Variants in HNRNPC observed in about 807,000 individuals in gnomAD.
HNRNPC encodes heterogeneous nuclear ribonucleoproteins C1/C2.
A neutral mutation model predicts 33.2 loss-of-function variants in HNRNPC; 3 were observed. The observed-to-expected ratio is 0.09, with a 90% confidence interval of 0.04 to 0.23. HNRNPC has a LOEUF of 0.23. Among genes scored for constraint, HNRNPC ranks in the 10% least tolerant of loss-of-function variants. The pLI, the probability that HNRNPC is intolerant of heterozygous loss-of-function variation, is 1.00. For synonymous variants in HNRNPC, 121 were observed against 126.7 expected (o/e 0.96, Z 0.30); for missense variants, 143 against 366.7 (o/e 0.39, Z 4.98).
intron 2 of HNRNPC, among the ~76,000 whole-genome samples, chr14:21,258,126 C>G (rs1425180924): frequency 2.0e-5 from 3 of 152,182 alleles, no homozygotes; most frequent in African/African-American, 2.4e-5. Flanking sequence ...GACACAGTGG[C>G]TCACGCCTGT....
At chr14:21,239,645 G>A (rs368790818) in intron 2 of HNRNPC, among the ~76,000 whole-genome samples, 5 of 152,088 alleles carry the variant, frequency 3.3e-5, no homozygotes, top group East Asian at 3.9e-4. Context: ...AGGCTGAGGC[G>A]AGCAAATCAC....
intron 3 of HNRNPC, 160 bp from the exon 4 acceptor site, chr14:21,231,232 C>CA: frequency 2.8e-6 from 2 of 713,410 alleles, no homozygotes; most frequent in South Asian, 3.2e-5. Flanking sequence ...CCTCCCGGTT[C>CA]AAGCGATTCT....
At chr14:21,252,782 T>C (rs1277684274) in intron 2 of HNRNPC, among the ~76,000 whole-genome samples, 1 of 152,128 alleles carries the variant, frequency 6.6e-6, no homozygotes. Flanking sequence ...GAGATGTAGA[T>C]ACAAACAAAA....
intron 5 of HNRNPC, among the ~76,000 whole-genome samples, chr14:21,226,895 A>AAAAAG (rs1491109668): frequency 9.4e-6 from 1 of 106,650 alleles, no homozygotes; most frequent in African/African-American, 3.7e-5. Context: ...AAAAAAAAAA[A>AAAAAG]GGGGGGGGGG....
At chr14:21,261,843 C>CG (rs1240347662) in intron 2 of HNRNPC, among the ~76,000 whole-genome samples, 2 of 152,208 alleles carry the variant, frequency 1.3e-5, no homozygotes, top group African/African-American at 2.4e-5. Context: ...TAAAATACTA[C>CG]GGGTTGCTCA....
intron 2 of HNRNPC, among the ~76,000 whole-genome samples, chr14:21,247,990 TA>T (rs926156196): frequency 7.0e-6 from 1 of 142,622 alleles, no homozygotes; most frequent in African/African-American, 2.5e-5. Context: ...GATTACATCA[TA>T]AAAAAGAAAA....
rs867080529 is a variant in HNRNPC, at chr14:21,225,973, A to C, written c.365+4346T>G. Among the ~76,000 whole-genome samples, 34 of 152,274 alleles carry C rather than the reference A, an allele frequency of 2.2e-4. 1 individual carries two copies. Among genetic ancestry groups the C allele is most frequent in the African/African-American group, 7.9e-4 (33 of 41,518 alleles). On this transcript the variant is annotated intron_variant, in intron 5 of 8. Transcript: ENST00000553300. Reference sequence around the variant, plus strand: ...CAGTATTTGTGGCACAAATCAGAAAACACATATAGATCAAGACTTTTATGA... The same window carrying C: ...CAGTATTTGTGGCACAAATCAGAAACCACATATAGATCAAGACTTTTATGA...
intron 5 of HNRNPC, 37 bp from the exon 6 acceptor site, chr14:21,213,154 T>G (rs200823486): frequency 2.9e-5 from 46 of 1,597,826 alleles, no homozygotes; most frequent in Non-Finnish European, 3.7e-5. Flanking sequence ...CATTCAAACC[T>G]AACATTAACT....
At chr14:21,258,228 T>C (rs1255672473) in intron 2 of HNRNPC, among the ~76,000 whole-genome samples, 1 of 151,842 alleles carries the variant, frequency 6.6e-6, no homozygotes, top group Non-Finnish European at 1.5e-5. Context: ...CCATCTCTAC[T>C]AAAATATAAA....
chr14:21,254,632 G>A (rs1460166434), intron 2 of HNRNPC: 1 of 152,154 alleles, frequency 6.6e-6, no homozygotes, highest in Non-Finnish European at 1.5e-5. Flanking sequence ...TTAGCAAGCT[G>A]CGGTGGCTCA....
In HNRNPC at chr14:21,209,704, A is replaced by C. The variant is rs1426332930; in HGVS notation, c.*1519T>G. 1 of 152,214 alleles carries C rather than the reference A, an allele frequency of 6.6e-6. No homozygotes were observed. Among genetic ancestry groups the C allele is most frequent in the African/African-American group, 2.4e-5 (1 of 41,442 alleles). 9.4% of individuals were successfully genotyped at this position (152,214 alleles called of 1,614,324 possible). A position where few individuals can be genotyped will look rare whatever the true frequency, so the allele number is the denominator to read the frequency against. On this transcript the variant is annotated 3_prime_UTR_variant, in exon 9 of 9. Transcript: ENST00000553300. ...TGCCTGTAATGAGTAGGATGAAAAA[A>C]GGCCAGTGCCGCATGCTATGAAACA...
chr14:21,215,001 T>C (rs1450010812), intron 5 of HNRNPC, among the ~76,000 whole-genome samples: 1 of 152,202 alleles, frequency 6.6e-6, no homozygotes, highest in Non-Finnish European at 1.5e-5. Context: ...AGCTAGCTAG[T>C]TCTGTACTAT....
At chr14:21,219,463 C>A (rs1374919333) in intron 5 of HNRNPC, among the ~76,000 whole-genome samples, 3 of 152,162 alleles carry the variant, frequency 2.0e-5, no homozygotes, top group Non-Finnish European at 4.4e-5. Flanking sequence ...CAGTACCTAC[C>A]TTTGTCAAAG....
chr14:21,247,820 CAA>C (rs1216770970), intron 2 of HNRNPC, among the ~76,000 whole-genome samples: 15 of 76,700 alleles, frequency 2.0e-4, no homozygotes, highest in African/African-American at 2.3e-4. Context: ...ACTAAAAATA[CAA>C]AAAAAAAAAA....
At chr14:21,251,260 CAAAAAA>C (rs71419116) in intron 2 of HNRNPC, among the ~76,000 whole-genome samples, 26 of 49,488 alleles carry the variant, frequency 5.3e-4, no homozygotes, top group African/African-American at 9.8e-4. Flanking sequence ...GACTCCCTCT[CAAAAAA>C]AAAAAAAAAA....
At chr14:21,242,318 A>G (rs1214014584) in intron 2 of HNRNPC, among the ~76,000 whole-genome samples, 1 of 152,204 alleles carries the variant, frequency 6.6e-6, no homozygotes, top group Non-Finnish European at 1.5e-5. Context: ...CCCCATCTCT[A>G]CAAAAAATAC....
chr14:21,256,218 C>A (rs527951512), intron 2 of HNRNPC, among the ~76,000 whole-genome samples: 13 of 152,150 alleles, frequency 8.5e-5, no homozygotes, highest in African/African-American at 3.1e-4. Context: ...GAGGCAGAGA[C>A]GGGCAGATCA....
At chr14:21,234,291 C>T (rs1385524862) in intron 2 of HNRNPC, 62 bp from the exon 3 acceptor site, 3 of 1,378,224 alleles carry the variant, frequency 2.2e-6, no homozygotes. Context: ...CTTGATAAAA[C>T]ATTCTCCACT....
In HNRNPC at chr14:21,210,866, T is replaced by A. The variant is rs1249077208; in HGVS notation, c.*357A>T. 1 of 240,350 alleles carries A rather than the reference T, an allele frequency of 4.2e-6. No homozygotes were observed. The highest frequency in any genetic ancestry group is 8.2e-6 in the Non-Finnish European group (1 of 122,412). 14.9% of individuals were successfully genotyped at this position (240,350 alleles called of 1,614,324 possible). ...TTGCCTTTGCAGTTAGGGAAGCAAC[T>A]ACTGAACTTATGTATGAATGAAAAG... On this transcript the variant is annotated 3_prime_UTR_variant, in exon 9 of 9. Transcript: ENST00000553300.
Sources: gnomAD v4.1 joint callset for allele counts (sites outside exome capture counted in the v4.1 genomes callset) on GRCh38, gnomAD v4.1.1 for gene constraint, MANE v1.5 for transcripts, NCBI Gene and HGNC (gene_info 2026-07-23, HGNC 2026-07-21) for gene names.